Variants in RIF1 observed in about 807,000 individuals in gnomAD.
The protein encoded by RIF1 is replication timing regulatory factor 1.
RIF1 carries 45 observed loss-of-function variants against 247.1 expected under a neutral mutation model. The ratio of observed to expected loss-of-function variants is 0.18; its 90% CI spans 0.14 to 0.23. The LOEUF (loss-of-function observed/expected upper bound fraction) is 0.23, where lower values mean the gene tolerates loss of function less well. Among genes scored for constraint, RIF1 ranks in the 10% least tolerant of loss-of-function variants. RIF1 has a pLI of 1.00. For synonymous variants in RIF1, 1,087 were observed against 978.8 expected (o/e 1.11, Z -2.06); for missense variants, 2,967 against 2,862.5 (o/e 1.04, Z -0.83).
chr2:151,483,033 TA>T (rs1042935461), downstream of RIF1, among the ~76,000 whole-genome samples: 20 of 126,182 alleles, frequency 1.6e-4, no homozygotes, highest in Middle Eastern at 7.1e-3. Context: ...TCATCTGAAT[TA>T]ACAGCATCTG....
chr2:151,427,220 T>C (rs1231322650), intron 8 of RIF1, among the ~76,000 whole-genome samples: 1 of 148,656 alleles, frequency 6.7e-6, no homozygotes, highest in East Asian at 1.9e-4. Flanking sequence ...CCTTTTTTTC[T>C]TTTTTTTTTG....
At position 151,461,059 on chromosome 2, in the gene RIF1, A is replaced by G. The variant is rs1344412580; in HGVS notation, c.3076-79A>G. ...ATCACTATTGAAAAATGGTGTCATT[A>G]TTAGAGGAGAGTGATAGAAATATTG... On this transcript the variant is annotated intron_variant, in intron 26 of 35. Coordinates refer to ENST00000444746, the MANE Select transcript of RIF1 (RefSeq NM_018151.5). 11 of 1,297,174 alleles carry G rather than the reference A, an allele frequency of 8.5e-6. No homozygotes were observed. The East Asian group carries it at 2.6e-4, about 30-fold the overall frequency. 80.4% of individuals were successfully genotyped at this position (1,297,174 alleles called of 1,614,324 possible).
the RIF1 span, chr2:151,526,131 C>A: frequency 6.2e-7 from 1 of 1,612,764 alleles, no homozygotes; most frequent in Non-Finnish European, 8.5e-7. Flanking sequence ...AAGAGGGAAG[C>A]AGAACTCATG....
In RIF1 at chr2:151,433,091, G is replaced by T; in HGVS notation, c.940G>T (p.Ala314Ser). The change falls in exon 10 of 36, where the codon GCA becomes TCA. Residue 314 changes from alanine (A) to serine (S), a missense_variant. Around this residue, in one of 7 missense-constraint regions of RIF1, gnomAD observed 71 missense variants for 132.9 expected, o/e 0.53. Transcript: ENST00000444746. ...FALNPDILCS[A>S]KRLKLLMQPL... Reference sequence around the variant, plus strand: ...TTTCTTTTAAGATATACTATGTAGTGCAAAAAGACTCAAGTTGTTAATGCA... The same window carrying T: ...TTTCTTTTAAGATATACTATGTAGTTCAAAAAGACTCAAGTTGTTAATGCA... 1.2e-6 allele frequency: 2 copies of T among 1,612,900 alleles called. No individual in the cohort carries two copies. Among genetic ancestry groups the T allele is most frequent in the Non-Finnish European group, 1.7e-6 (2 of 1,179,176 alleles).
chr2:151,527,126 A>T, the RIF1 span: 1 of 721,326 alleles, frequency 1.4e-6, no homozygotes, highest in Non-Finnish European at 2.3e-6. Context: ...GAGGACAAAG[A>T]CTTGCTACCA....
At position 151,432,064 on chromosome 2, in the gene RIF1, A is replaced by C. The variant is rs144853858; in HGVS notation, c.926-1013A>C. On this transcript the variant is annotated intron_variant, in intron 9 of 35. Coordinates refer to ENST00000444746, the MANE Select transcript of RIF1 (RefSeq NM_018151.5). ...CACTCTGTCACCCAGCCTGGAGTGC[A>C]GTGGTGTGATCTCAGCTCACTGCAA... Among the ~76,000 whole-genome samples, 1,134 of 152,182 alleles carry C rather than the reference A, an allele frequency of 7.5e-3. 18 individuals are homozygous for C. Among genetic ancestry groups the C allele is most frequent in the African/African-American group, 0.026 (1,076 of 41,518 alleles).
intron 16 of RIF1, among the ~76,000 whole-genome samples, chr2:151,442,486 T>C (rs1692507015): frequency 6.6e-6 from 1 of 151,856 alleles, no homozygotes; most frequent in Admixed American, 6.6e-5. Context: ...TGATAGTTAA[T>C]ATAAAGAATT....
At chr2:151,453,193 C>A (rs937558044) in intron 21 of RIF1, among the ~76,000 whole-genome samples, 1 of 151,744 alleles carries the variant, frequency 6.6e-6, no homozygotes, top group Non-Finnish European at 1.5e-5. Flanking sequence ...ACATTTTATT[C>A]TTTTTCCCTT....
intron 30 of RIF1, among the ~76,000 whole-genome samples, chr2:151,467,526 G>A (rs1697127814): frequency 6.6e-6 from 1 of 151,990 alleles, no homozygotes; most frequent in South Asian, 2.1e-4. Flanking sequence ...TGTACTTTTA[G>A]TAGAGATAAG....
the RIF1 span, chr2:151,514,540 A>T: frequency 2.3e-6 from 2 of 854,070 alleles, no homozygotes; most frequent in East Asian, 4.8e-5. Context: ...ACAGTTTAGT[A>T]AGTAAAAATA....
chr2:151,467,737 C>T (rs781474720), intron 30 of RIF1, among the ~76,000 whole-genome samples: 18 of 152,060 alleles, frequency 1.2e-4, no homozygotes, highest in Non-Finnish European at 1.9e-4. Context: ...CATCTGGCTT[C>T]GTTAAGTTTT....
intron 8 of RIF1, among the ~76,000 whole-genome samples, chr2:151,428,506 TTC>T (rs1369210926): frequency 2.6e-5 from 4 of 151,896 alleles, no homozygotes; most frequent in Non-Finnish European, 5.9e-5. Context: ...TTTAGAAATG[TTC>T]TGTGTTGTAC....
In RIF1 at chr2:151,463,449, C is replaced by A; in HGVS notation, c.3929C>A (p.Pro1310Gln). ...TCTAAGCCCTTAATGAGATCTGAGCCGGAGAAAAATACTGAGGAATCTGTT... is the reference window on the plus strand; with the variant it reads ...TCTAAGCCCTTAATGAGATCTGAGCAGGAGAAAAATACTGAGGAATCTGTT... ...KRSKPLMRSE[P>Q]EKNTEESVEG... The change falls in exon 30 of 36, where the codon CCG becomes CAG. Residue 1310 changes from proline (P) to glutamine (Q), a missense_variant. By Grantham distance (76) the Pro-to-Gln change is moderately conservative. Around this residue, in one of 7 missense-constraint regions of RIF1, gnomAD observed 2,028 missense variants for 1,825.6 expected, o/e 1.11. Transcript: ENST00000444746. 2 of 1,613,824 alleles carry A rather than the reference C, an allele frequency of 1.2e-6. No homozygotes were observed. The highest frequency in any genetic ancestry group is 1.7e-6 in the Non-Finnish European group (2 of 1,179,916).
At chr2:151,442,308 G>A (rs1030325583) in intron 16 of RIF1, among the ~76,000 whole-genome samples, 1 of 150,908 alleles carries the variant, frequency 6.6e-6, no homozygotes, top group Non-Finnish European at 1.5e-5. Flanking sequence ...TCCTAACCTC[G>A]GGTGATCCCT....
At position 151,465,602 on chromosome 2, in the gene RIF1, G is replaced by A. The variant is rs779050905; in HGVS notation, c.6082G>A (p.Glu2028Lys). The change falls in exon 30 of 36, where the codon GAG becomes AAG. Residue 2028 changes from glutamate to lysine, a missense_variant. Transcript: ENST00000444746. ...AAATAATGAAGAAATGATGATCGGC[G>A]AGGCAATGGCTGAAACTGGCCATGA... ...MKNNEEMMIG[E>K]AMAETGHDGE... 1.1e-5 allele frequency: 17 copies of A among 1,613,772 alleles called. No homozygotes were observed. Among genetic ancestry groups the A allele is most frequent in the Middle Eastern group, 1.6e-4 (1 of 6,084 alleles).
chr2:151,468,610 C>T (rs756137922), intron 32 of RIF1, 31 bp from the exon 33 acceptor site: 2 of 1,604,802 alleles, frequency 1.2e-6, no homozygotes, highest in African/African-American at 2.7e-5. Flanking sequence ...CAGTTGACCT[C>T]TGTGTAACAG....
chr2:151,523,186 G>A, the RIF1 span, among the ~76,000 whole-genome samples: 1 of 151,640 alleles, frequency 6.6e-6, no homozygotes, highest in African/African-American at 2.4e-5. Context: ...TTTTTTTGTT[G>A]GTGGTGGTGA....
At position 151,468,479 on chromosome 2, in the gene RIF1, T is replaced by A; in HGVS notation, c.6753T>A (p.Asn2251Lys). Residue 2251 changes from asparagine to lysine, a missense_variant, in exon 32 of 36, where the codon AAT becomes AAA. Asn to Lys is a moderately conservative substitution (Grantham distance 94). Coordinates refer to ENST00000444746, the MANE Select transcript of RIF1 (RefSeq NM_018151.5). ...CTCTCCTTTCTTCTATCTAGCATAA[T>A]ACCACTTCAGCCAAAGGATTTCTGT... ...KTSPTTQSKH[N>K]TTSAKGFLSP... 6.2e-7 allele frequency: 1 copy of A among 1,611,780 alleles called. No individual in the cohort carries two copies. Among genetic ancestry groups the A allele is most frequent in the Non-Finnish European group, 8.5e-7 (1 of 1,177,852 alleles).
At chr2:151,458,671 C>T (rs1250141266) in intron 24 of RIF1, 140 bp from the exon 25 acceptor site, 1 of 432,206 alleles carries the variant, frequency 2.3e-6, no homozygotes. Context: ...GTTTTATATA[C>T]ACATAGTAAG....
Sources: allele counts gnomAD v4.1 joint callset (sites outside exome capture counted in the v4.1 genomes callset), GRCh38; gene constraint gnomAD v4.1.1; regional missense constraint gnomAD v4.1.1; transcripts MANE v1.5; gene names NCBI Gene and HGNC (gene_info 2026-07-23, HGNC 2026-07-21).